Variants in E2F2 observed in about 807,000 individuals in gnomAD.
E2F2 encodes the protein transcription factor E2F2.
Under a neutral mutation model 42.2 loss-of-function variants are expected in E2F2, and 22 were observed. The ratio of observed to expected loss-of-function variants is 0.52; its 90% confidence interval spans 0.37 to 0.74. The LOEUF is 0.74. Ranked by LOEUF, E2F2 falls within the 30% of genes least tolerant of loss-of-function variation. E2F2 has a pLI of 0.00. For missense variants in E2F2, 481 were observed against 557.8 expected (o/e 0.86, Z 1.39); for synonymous variants, 248 against 251.6 (o/e 0.99, Z 0.13).
chr1:23,525,510 T>C (rs1419042839), intron 1 of E2F2, among the ~76,000 whole-genome samples: 13 of 152,138 alleles, frequency 8.5e-5, no homozygotes, highest in Admixed American at 8.5e-4. Context: ...CCTCTGTAAA[T>C]GGGGTAAAAA....
downstream of E2F2, among the ~76,000 whole-genome samples, chr1:23,505,570 T>G (rs867239080): frequency 1.2e-4 from 18 of 152,296 alleles, no homozygotes; most frequent in Middle Eastern, 6.8e-3. Context: ...TGGAATGCAA[T>G]GGCGCCATCT....
In E2F2 at chr1:23,529,554, TCCTC is replaced by T. The variant is rs543465163; in HGVS notation, c.252+984_252+987del. On this transcript the variant is annotated intron_variant, in intron 1 of 6. Transcript: ENST00000361729. ...ACTAAGCAAACCTACAACACCCCCT[TCCTC>T]TCCCTGGAGCCTGCTTCCAAAACCC... 9.9e-5 allele frequency among the ~76,000 whole-genome samples: 15 copies of T among 152,234 alleles called. No individual in the cohort carries two copies. In the East Asian group the frequency reaches 2.7e-3, roughly 27 times the overall value.
chr1:23,514,311 GAGAT>G (rs1642972544), intron 6 of E2F2, among the ~76,000 whole-genome samples: 1 of 152,140 alleles, frequency 6.6e-6, no homozygotes, highest in Non-Finnish European at 1.5e-5. Context: ...TCTGGGATGG[GAGAT>G]AGGCACTGGG....
chr1:23,505,597 C>T (rs1323917529), downstream of E2F2, among the ~76,000 whole-genome samples: 1 of 152,200 alleles, frequency 6.6e-6, no homozygotes, highest in East Asian at 1.9e-4. Context: ...ACTGCAACCT[C>T]TGCCTCCTGG....
chr1:23,516,461 C>T lies in E2F2; in HGVS notation c.919G>A (p.Val307Met), dbSNP rs772329029. 3.7e-6 allele frequency: 6 copies of T among 1,610,002 alleles called. No individual in the cohort carries two copies. The South Asian group carries it at 4.4e-5, about 12-fold the overall frequency. ...TCGGAAGGACTGTCCGGCTCCTGCA[C>T]CTCCTCTGGGCACAGGTAGACTTCG... is the stretch of plus-strand genomic sequence containing the variant. ...PIEVYLCPEE[V>M]QEPDSPSEEP... The change falls in exon 6 of 7, where the codon GTG becomes ATG. Residue 307 changes from valine to methionine, a missense_variant. Coordinates refer to ENST00000361729, the MANE Select transcript of E2F2 (RefSeq NM_004091.4).
chr1:23,515,242 G>A (rs759801861), intron 6 of E2F2, among the ~76,000 whole-genome samples: 11 of 152,254 alleles, frequency 7.2e-5, no homozygotes, highest in Admixed American at 3.9e-4. Context: ...CTGTTCTGGA[G>A]AGGGGCCTTT....
chr1:23,509,790 G>A lies in E2F2; in HGVS notation c.*90C>T, dbSNP rs1003393570. ...CCATGCCCTGAGGGCAGCACCTAGT[G>A]TCCAATGTCCCTGTGCAGGCAGAGG... On this transcript the variant is annotated 3_prime_UTR_variant, in exon 7 of 7. Transcript: ENST00000361729. 29 of 1,455,160 alleles carry A rather than the reference G, an allele frequency of 2.0e-5. No homozygotes were observed. The African/African-American group carries it at 3.7e-4, about 19-fold the overall frequency. 90.1% of individuals were successfully genotyped at this position (1,455,160 alleles called of 1,614,324 possible).
intron 5 of E2F2, 77 bp from the exon 6 acceptor site, chr1:23,516,604 G>A (rs769490710): frequency 4.9e-5 from 60 of 1,228,768 alleles, no homozygotes; most frequent in Non-Finnish European, 5.9e-5. Context: ...ACAGACGCAC[G>A]TGGCTGCTGC....
intron 6 of E2F2, among the ~76,000 whole-genome samples, chr1:23,514,011 C>G (rs919779308): frequency 1.3e-5 from 2 of 151,484 alleles, no homozygotes; most frequent in Admixed American, 6.6e-5. Flanking sequence ...GTACTCCTAG[C>G]TACTCGGGAG....
rs1643017205 is a variant in E2F2 at position 23,516,364 on chromosome 1, G to C, written c.1016C>G (p.Pro339Arg). 1 of 1,570,974 alleles carries C rather than the reference G, an allele frequency of 6.4e-7. No homozygotes were observed. Among genetic ancestry groups the C allele is most frequent in the Non-Finnish European group, 8.6e-7 (1 of 1,162,048 alleles). ...DSAQPSSSTDPSIMEPTASSV... is the reference protein window; with the variant it reads ...DSAQPSSSTDRSIMEPTASSV... ...GGATGCTGTGGGCTCCATGATGCTA[G>C]GGTCGGTGCTGCTGCTGGGCTGGGC... Residue 339 changes from proline (P) to arginine (R), a missense_variant, in exon 6 of 7, where the codon CCT becomes CGT. Pro to Arg is a moderately radical substitution (Grantham distance 103). Transcript: ENST00000361729.
chr1:23,525,565 C>T (rs1011193460), intron 1 of E2F2, among the ~76,000 whole-genome samples: 6 of 152,224 alleles, frequency 3.9e-5, no homozygotes, highest in Non-Finnish European at 8.8e-5. Flanking sequence ...GAAGGCACTA[C>T]CTGGGCAGCC....
Position 23,521,891 on chromosome 1 carries a change from A to C in E2F2, c.524T>G (p.Val175Gly). Residue 175 changes from valine to glycine, a missense_variant, in exon 3 of 7, where the codon GTG becomes GGG. Transcript: ENST00000361729. ...GCGGATGAGCTGGATGCCTTCCAGC[A>C]CGTTGGTGATGTCATAGATGCGCCG... ...QKRRIYDITN[V>G]LEGIQLIRKK... 1 of 1,614,126 alleles carries C rather than the reference A, an allele frequency of 6.2e-7. No homozygotes were observed. Among genetic ancestry groups the C allele is most frequent in the Non-Finnish European group, 8.5e-7 (1 of 1,180,012 alleles).
At chr1:23,516,584 G>T in intron 5 of E2F2, 57 bp from the exon 6 acceptor site, 1 of 1,450,142 alleles carries the variant, frequency 6.9e-7, no homozygotes, top group Non-Finnish European at 9.5e-7. Flanking sequence ...CTTACACTTA[G>T]TGTGTATGGA....
intron 6 of E2F2, 143 bp from the exon 7 acceptor site, chr1:23,510,291 C>G (rs1166673339): frequency 7.2e-7 from 1 of 1,382,118 alleles, no homozygotes; most frequent in Admixed American, 3.2e-5. Flanking sequence ...CAAAATCCAC[C>G]TTCCAGAGTC....
At chr1:23,514,997 C>G (rs1467319005) in intron 6 of E2F2, among the ~76,000 whole-genome samples, 3 of 152,146 alleles carry the variant, frequency 2.0e-5, no homozygotes, top group African/African-American at 7.2e-5. Flanking sequence ...ATTTGACCTG[C>G]AGGCAATAGT....
intron 3 of E2F2, among the ~76,000 whole-genome samples, chr1:23,521,287 C>T (rs964695662): frequency 3.9e-5 from 6 of 152,144 alleles, no homozygotes; most frequent in Non-Finnish European, 8.8e-5. Flanking sequence ...GAGGGGCTCT[C>T]GACTCTGTTC....
At chr1:23,525,440 T>A (rs1643235503) in intron 1 of E2F2, among the ~76,000 whole-genome samples, 1 of 152,188 alleles carries the variant, frequency 6.6e-6, no homozygotes, top group African/African-American at 2.4e-5. Context: ...TCCAGCTCCT[T>A]CGCAGGCTCA....
rs932963113 is a variant in E2F2, at chr1:23,514,765, A to G, written c.1045+1570T>C. Among the ~76,000 whole-genome samples, 124 of 146,054 alleles carry G rather than the reference A, an allele frequency of 8.5e-4. No homozygotes were observed. In the Middle Eastern group the frequency reaches 0.011, roughly 13 times the overall value. On this transcript the variant is annotated intron_variant, in intron 6 of 6. Coordinates refer to ENST00000361729, the MANE Select transcript of E2F2 (RefSeq NM_004091.4). ...GGCAGGAGAATTGATTGAACCCAGG[A>G]GGCAGAGGTTGCTGTGAGCCAAGAT...
At chr1:23,510,545 G>A (rs1453269204) in intron 6 of E2F2, among the ~76,000 whole-genome samples, 3 of 152,190 alleles carry the variant, frequency 2.0e-5, no homozygotes, top group African/African-American at 4.8e-5. Context: ...GGCTGGTCTC[G>A]AACTCCTGAC....
Sources: gnomAD v4.1 joint callset for allele counts (sites outside exome capture counted in the v4.1 genomes callset) on GRCh38, gnomAD v4.1.1 for gene constraint, MANE v1.5 for transcripts, NCBI Gene and HGNC (gene_info 2026-07-23, HGNC 2026-07-21) for gene names.